Variants in RC3H2 observed in about 807,000 individuals in gnomAD.
RC3H2 encodes the protein roquin-2.
A neutral mutation model predicts 133.3 loss-of-function variants in RC3H2; 31 were observed. That is an observed-to-expected ratio of 0.23 (90% CI 0.17 to 0.31). The LOEUF (loss-of-function observed/expected upper bound fraction) is 0.31. Among genes scored for constraint, RC3H2 ranks in the 10% least tolerant of loss-of-function variants. The probability of loss-of-function intolerance (pLI) is 1.00; values close to 1 mark genes in which losing one functional copy is unlikely to be tolerated. For synonymous variants in RC3H2, 517 were observed against 502.2 expected (o/e 1.03, Z -0.40); for missense variants, 1,175 against 1,437.2 (o/e 0.82, Z 2.95).
intron 16 of RC3H2, 85 bp from the exon 17 acceptor site, chr9:122,854,351 G>A: frequency 7.7e-7 from 1 of 1,295,942 alleles, no homozygotes; most frequent in Non-Finnish European, 1.1e-6. Context: ...TTATGTGACA[G>A]ATCAACCCTG....
In RC3H2 at chr9:122,895,160, G is replaced by GTTT. The variant is rs376723673; in HGVS notation, c.231+2116_231+2118dup. On this transcript the variant is annotated intron_variant, in intron 2 of 20. Coordinates refer to ENST00000357244, the MANE Select transcript of RC3H2 (RefSeq NM_001100588.3). ...CAGATGCTAAATAAATGGTAGCTAG[G>GTTT]TTTTTTTTTTTTTTTTGAGACAGGG... is the stretch of plus-strand genomic sequence containing the variant. Among the ~76,000 whole-genome samples, 19 of 139,964 alleles carry GTTT rather than the reference G, an allele frequency of 1.4e-4. No individual in the cohort carries two copies. The East Asian group carries it at 3.1e-3, about 23-fold the overall frequency. The allele number at this position is 139,964 out of a possible 152,430, so 91.8% of individuals were successfully genotyped here. A position where few individuals can be genotyped will look rare whatever the true frequency, so the allele number is the denominator to read the frequency against.
intron 20 of RC3H2, among the ~76,000 whole-genome samples, chr9:122,850,320 A>G (rs1012763524): frequency 6.6e-6 from 1 of 152,030 alleles, no homozygotes; most frequent in Admixed American, 6.6e-5. Flanking sequence ...TTAAAATACT[A>G]GTTAGTTTAA....
intron 10 of RC3H2, among the ~76,000 whole-genome samples, chr9:122,861,503 A>AAG (rs1377013444): frequency 3.7e-4 from 4 of 10,830 alleles, no homozygotes; most frequent in Non-Finnish European, 4.5e-4. Context: ...AAAAAAAAAA[A>AAG]AAAAAAGAAA....
At chr9:122,859,378 A>ACC (rs1252345790) in intron 11 of RC3H2, among the ~76,000 whole-genome samples, 1 of 150,852 alleles carries the variant, frequency 6.6e-6, no homozygotes, top group Non-Finnish European at 1.5e-5. Flanking sequence ...AGTGTGAGCT[A>ACC]CCACACCTGA....
Position 122,865,583 on chromosome 9 carries a change from T to G in RC3H2, c.1400A>C (p.Asn467Thr). The G allele has an allele frequency of 2.5e-6, 4 of 1,614,174 alleles. No homozygotes were observed. The highest frequency in any genetic ancestry group is 3.4e-6 in the Non-Finnish European group (4 of 1,180,024). ...FPLLNKVGVN[N>T]TVTTTAGNVI... ...ATTTCCGGCTGTGGTTGTGACAGTG[T>G]TGTTTACACCAACTTTATTTAGAAG... The change falls in exon 10 of 21, where the codon AAC becomes ACC. Residue 467 changes from asparagine to threonine, a missense_variant. Asn to Thr is a moderately conservative substitution (Grantham distance 65). Coordinates refer to ENST00000357244, the MANE Select transcript of RC3H2 (RefSeq NM_001100588.3).
chr9:122,902,992 T>A (rs1279043197), intron 1 of RC3H2, among the ~76,000 whole-genome samples: 1 of 152,232 alleles, frequency 6.6e-6, no homozygotes, highest in Non-Finnish European at 1.5e-5. Context: ...GTACTAAGTC[T>A]TTGAAATCTG....
At position 122,851,064 on chromosome 9, in the gene RC3H2, TTCTG is replaced by T. The variant is rs748096110; in HGVS notation, c.3380+13_3380+16del. 67 of 1,613,174 alleles carry T rather than the reference TTCTG, an allele frequency of 4.2e-5. No individual in the cohort carries two copies. Among genetic ancestry groups the T allele is most frequent in the Non-Finnish European group, 5.1e-5 (60 of 1,179,590 alleles). ...GTCCTATGCCCACTGTTTATGAATT[TTCTG>T]TCTAACACTCACAGAATCACATGGT... On this transcript the variant is annotated intron_variant, in intron 20 of 20. Coordinates refer to ENST00000357244, the MANE Select transcript of RC3H2 (RefSeq NM_001100588.3).
chr9:122,852,001 T>G (rs1340226100), intron 18 of RC3H2, among the ~76,000 whole-genome samples: 3 of 147,444 alleles, frequency 2.0e-5, no homozygotes, highest in Non-Finnish European at 3.0e-5. Flanking sequence ...CTGCCCAGTC[T>G]GGAAAGTGAG....
At position 122,865,404 on chromosome 9, in the gene RC3H2, C is replaced by A. The variant is rs758718291; in HGVS notation, c.1579G>T (p.Val527Phe). Residue 527 changes from valine to phenylalanine, a missense_variant, in exon 10 of 21, where the codon GTT becomes TTT. This residue lies in a region of RC3H2 where 490 missense variants were observed against 492.8 expected (regional missense o/e 0.99). Coordinates refer to ENST00000357244, the MANE Select transcript of RC3H2 (RefSeq NM_001100588.3). ...ALETVKKVGKVGANGQNAAGP... is the reference protein window; with the variant it reads ...ALETVKKVGKFGANGQNAAGP... Reference sequence around the variant, plus strand: ...GCAGCATTCTGACCATTAGCGCCAACCTTTCCCACTTTCTTCACGGTCTCC... The same window carrying A: ...GCAGCATTCTGACCATTAGCGCCAAACTTTCCCACTTTCTTCACGGTCTCC... 1.2e-6 allele frequency: 2 copies of A among 1,614,154 alleles called. No individual in the cohort carries two copies. Among genetic ancestry groups the A allele is most frequent in the Non-Finnish European group, 1.7e-6 (2 of 1,179,986 alleles).
chr9:122,853,144 G>A (rs1462131061), intron 18 of RC3H2, among the ~76,000 whole-genome samples: 1 of 151,810 alleles, frequency 6.6e-6, no homozygotes, highest in Non-Finnish European at 1.5e-5. Flanking sequence ...GCTTAAGGGC[G>A]GTGCAAGATG....
intron 8 of RC3H2, 126 bp from the exon 9 acceptor site, chr9:122,877,709 TGCTGAAACAA>T: frequency 1.4e-6 from 1 of 706,960 alleles, no homozygotes; most frequent in Non-Finnish European, 2.4e-6. Flanking sequence ...GTAATTCTTG[TGCTGAAACAA>T]CTAATATTCC....
At chr9:122,904,306 T>G in intron 1 of RC3H2, among the ~76,000 whole-genome samples, 1 of 152,176 alleles carries the variant, frequency 6.6e-6, no homozygotes, top group East Asian at 1.9e-4. Context: ...TTGAGTCAAT[T>G]TTGGTGTGAA....
At chr9:122,879,924 G>A in intron 7 of RC3H2, 51 bp from the exon 8 acceptor site, 1 of 1,610,264 alleles carries the variant, frequency 6.2e-7, no homozygotes, top group Non-Finnish European at 8.5e-7. Flanking sequence ...AATGTTAGCA[G>A]TAATTCTCTT....
rs1588077105 is a variant in RC3H2, at chr9:122,869,129, A to C, written c.1326-3472T>G. ...CCATGTTGGCCAGGCTGGTCTCAAA[A>C]TCCTGACCTCAGGTGATCTGCCCAC... On this transcript the variant is annotated intron_variant, in intron 9 of 20. Coordinates refer to ENST00000357244, the MANE Select transcript of RC3H2 (RefSeq NM_001100588.3). Among the ~76,000 whole-genome samples, 6 of 151,624 alleles carry C rather than the reference A, an allele frequency of 4.0e-5. 1 individual carries two copies. In the South Asian group the frequency reaches 1.2e-3, roughly 32 times the overall value.
In RC3H2 at chr9:122,857,931, G is replaced by A. The variant is rs765058516; in HGVS notation, c.2446C>T (p.Arg816Cys). The change falls in exon 13 of 21, where the codon CGT becomes TGT. Residue 816 changes from arginine (R) to cysteine (C), a missense_variant. Physicochemically the swap from Arg to Cys is radical, Grantham distance 180 (BLOSUM62 -3). Around this residue, in one of 8 missense-constraint regions of RC3H2, gnomAD observed 490 missense variants for 492.8 expected, o/e 0.99. Coordinates refer to ENST00000357244, the MANE Select transcript of RC3H2 (RefSeq NM_001100588.3). ...ATTAAAACCTTTCTTACATCCGCAC[G>A]AAAGTCTACACTGAACAGAGGAGAA... ...PPSPLFSVDF[R>C]ADFSESVSGT... 6.2e-6 allele frequency: 10 copies of A among 1,612,204 alleles called. No homozygotes were observed. Among genetic ancestry groups the A allele is most frequent in the Middle Eastern group, 1.7e-4 (1 of 6,054 alleles).
intron 4 of RC3H2, among the ~76,000 whole-genome samples, chr9:122,884,065 C>T (rs562284257): frequency 1.3e-5 from 2 of 151,996 alleles, no homozygotes; most frequent in South Asian, 2.1e-4. Context: ...GAGGCCAAGG[C>T]GGGCGGATCA....
chr9:122,855,176 T>C lies in RC3H2; in HGVS notation c.2815+8A>G. 6.3e-7 allele frequency: 1 copy of C among 1,599,932 alleles called. No individual in the cohort carries two copies. The highest frequency in any genetic ancestry group is 8.6e-7 in the Non-Finnish European group (1 of 1,168,082). On this transcript the variant is annotated splice_region_variant and intron_variant, in intron 15 of 20. Transcript: ENST00000357244. ...CATATCAGGCTAGGTATTATCTAAA[T>C]GGATTACCTGATACACTGATGGGCT...
intron 9 of RC3H2, chr9:122,874,245 GGCAGAGTAGA>G (rs1426619588): frequency 6.6e-6 from 1 of 152,106 alleles, no homozygotes; most frequent in Non-Finnish European, 1.5e-5. Context: ...GTATACAAAT[GGCAGAGTAGA>G]GCTAGAGGAT....
intron 13 of RC3H2, among the ~76,000 whole-genome samples, chr9:122,857,703 A>G (rs1830298084): frequency 6.6e-6 from 1 of 152,242 alleles, no homozygotes; most frequent in African/African-American, 2.4e-5. Context: ...TACTATAGGA[A>G]AGATTTTGAA....
Sources: gnomAD v4.1 joint callset for allele counts (sites outside exome capture counted in the v4.1 genomes callset) on GRCh38, gnomAD v4.1.1 for gene constraint, gnomAD v4.1.1 regional missense constraint, MANE v1.5 for transcripts, NCBI Gene and HGNC (gene_info 2026-07-23, HGNC 2026-07-21) for gene names.